Variants in LMBRD2 observed in about 807,000 individuals in gnomAD.
LMBRD2 encodes LMBR1 domain containing 2.
A neutral mutation model predicts 94.4 loss-of-function variants in LMBRD2; 55 were observed. The ratio of observed to expected loss-of-function variants is 0.58; its 90% CI spans 0.47 to 0.73. The LOEUF (loss-of-function observed/expected upper bound fraction) is 0.73, where lower values mean the gene tolerates loss of function less well. Ranked by LOEUF, LMBRD2 falls within the 30% of genes least tolerant of loss-of-function variation. The pLI, the probability that LMBRD2 is intolerant of heterozygous loss-of-function variation, is 0.00. For synonymous variants in LMBRD2, 246 were observed against 272.4 expected, an observed-to-expected ratio of 0.90 and a Z score of 0.95; for missense variants, 640 against 831.9, an observed-to-expected ratio of 0.77 and a Z score of 2.84.
chr5:36,133,638 A>T (rs976608757), intron 6 of LMBRD2, among the ~76,000 whole-genome samples: 1 of 152,146 alleles, frequency 6.6e-6, no homozygotes, highest in Non-Finnish European at 1.5e-5. Context: ...AGAGGTTCAG[A>T]GTTCTCCTGC....
At chr5:36,142,731 TTC>T in intron 2 of LMBRD2, 132 bp from the exon 3 acceptor site, 1 of 541,272 alleles carries the variant, frequency 1.8e-6, no homozygotes. Context: ...TTTTTTTTTT[TTC>T]TTTTTGTGTG....
Position 36,103,792 on chromosome 5 carries a change from G to T in LMBRD2, c.*254C>A. 3 of 263,162 alleles carry T rather than the reference G, an allele frequency of 1.1e-5. No homozygotes were observed. The highest frequency in any genetic ancestry group is 1.5e-5 in the Non-Finnish European group (2 of 136,488). 16.3% of individuals were successfully genotyped at this position (263,162 alleles called of 1,614,324 possible). A position where few individuals can be genotyped will look rare whatever the true frequency, so the allele number is the denominator to read the frequency against. On this transcript the variant is annotated 3_prime_UTR_variant, in exon 18 of 18. Coordinates refer to ENST00000296603, the MANE Select transcript of LMBRD2 (RefSeq NM_001007527.2). ...TTAACATATGTTGATCTTTCTTAAA[G>T]TCCTTCCACTGTAACTGTATTTCTA...
chr5:36,106,979 G>A (rs1743488093), intron 16 of LMBRD2, among the ~76,000 whole-genome samples: 1 of 151,898 alleles, frequency 6.6e-6, no homozygotes, highest in Admixed American at 6.6e-5. Flanking sequence ...ACCTGGCTAG[G>A]TACTATTCCT....
intron 11 of LMBRD2, among the ~76,000 whole-genome samples, chr5:36,115,833 G>T (rs1743730951): frequency 6.6e-6 from 1 of 152,108 alleles, no homozygotes; most frequent in African/African-American, 2.4e-5. Context: ...TATCACTGGG[G>T]GTAGCGTGAA....
chr5:36,116,391 A>G, intron 11 of LMBRD2, 69 bp downstream of exon 11: 1 of 1,441,226 alleles, frequency 6.9e-7, no homozygotes, highest in South Asian at 1.2e-5. Flanking sequence ...AAACAACAAA[A>G]AATAAAAGAT....
At chr5:36,148,287 C>T (rs575456764) in intron 1 of LMBRD2, among the ~76,000 whole-genome samples, 3 of 151,294 alleles carry the variant, frequency 2.0e-5, no homozygotes, top group African/African-American at 7.3e-5. Context: ...TTAAAGGTAC[C>T]TAAGAGCTGA....
At chr5:36,109,518 C>G (rs1448042433) in intron 15 of LMBRD2, among the ~76,000 whole-genome samples, 1 of 151,812 alleles carries the variant, frequency 6.6e-6, no homozygotes, top group Non-Finnish European at 1.5e-5. Context: ...TTTTCATTTT[C>G]TTCAGGAGGG....
chr5:36,106,876 G>A (rs962986949), intron 16 of LMBRD2, among the ~76,000 whole-genome samples: 3 of 152,012 alleles, frequency 2.0e-5, no homozygotes, highest in Admixed American at 1.3e-4. Context: ...CCCATGCTTA[G>A]GCTTTAGTTA....
intron 8 of LMBRD2, 69 bp downstream of exon 8, chr5:36,122,779 T>A (rs1332518111): frequency 2.0e-6 from 3 of 1,504,388 alleles, no homozygotes; most frequent in African/African-American, 1.5e-5. Flanking sequence ...ATTCCTTTTT[T>A]TATGAGCAAT....
intron 1 of LMBRD2, chr5:36,148,018 G>T (rs963074700): frequency 4.9e-6 from 1 of 202,602 alleles, no homozygotes; most frequent in Non-Finnish European, 1.1e-5. Context: ...TTTTTACTCA[G>T]ATATGTGCAA....
chr5:36,116,699 T>TG (rs1286707037), intron 10 of LMBRD2, 106 bp from the exon 11 acceptor site: 6 of 1,137,474 alleles, frequency 5.3e-6, no homozygotes, highest in Non-Finnish European at 7.6e-6. Flanking sequence ...TTTTTTGAGA[T>TG]GGAGTCTCGC....
chr5:36,116,653 A>G, intron 10 of LMBRD2, 60 bp from the exon 11 acceptor site: 1 of 1,462,984 alleles, frequency 6.8e-7, no homozygotes. Flanking sequence ...GCACTTAACA[A>G]TTACAGGCAT....
rs1744720379 is a variant in LMBRD2 at position 36,151,739 on chromosome 5, T to C, written c.-241A>G. 1 of 169,698 alleles carries C rather than the reference T, an allele frequency of 5.9e-6. No homozygotes were observed. Among genetic ancestry groups the C allele is most frequent in the South Asian group, 1.2e-4 (1 of 8,276 alleles). The allele number at this position is 169,698 out of a possible 1,614,324, so 10.5% of individuals were successfully genotyped here. On this transcript the variant is annotated 5_prime_UTR_variant, in exon 1 of 18. Transcript: ENST00000296603. This position sits in a 1 kb window ranked among gnomAD's most constrained non-coding sequence, Gnocchi z 4.7. The stretch of plus-strand genomic sequence containing the variant: ...CCGTCCGATCTCGCCAGACAGCGTC[T>C]GGACGGGACCGGGAAACGGCGGCCG...
At chr5:36,122,206 G>A (rs1743901878) in intron 9 of LMBRD2, 74 bp downstream of exon 9, 2 of 1,066,310 alleles carry the variant, frequency 1.9e-6, no homozygotes, top group Non-Finnish European at 1.4e-6. Flanking sequence ...ACTTTGCATT[G>A]GTGAAAATAC....
At chr5:36,110,756 C>T (rs978061048) in intron 14 of LMBRD2, among the ~76,000 whole-genome samples, 1 of 152,054 alleles carries the variant, frequency 6.6e-6, no homozygotes, top group African/African-American at 2.4e-5. Flanking sequence ...TTAATGATCA[C>T]GTTCTAAAAA....
intron 1 of LMBRD2, among the ~76,000 whole-genome samples, chr5:36,149,947 A>G (rs1414934422): frequency 6.6e-6 from 1 of 152,196 alleles, no homozygotes; most frequent in African/African-American, 2.4e-5. Context: ...AATAAGATAC[A>G]TCAGTAGCAA....
chr5:36,108,570 T>G lies in LMBRD2; in HGVS notation c.1861A>C (p.Lys621Gln). Residue 621 changes from lysine to glutamine, a missense_variant, in exon 16 of 18, where the codon AAA becomes CAA. Lys to Gln is a moderately conservative substitution (Grantham distance 53). Around this residue, in one of 2 missense-constraint regions of LMBRD2, gnomAD observed 183 missense variants for 189.1 expected, o/e 0.97. Coordinates refer to ENST00000296603, the MANE Select transcript of LMBRD2 (RefSeq NM_001007527.2). Reference protein sequence around the residue: ...TRNRNIHTDPKESNFSDVNTN... With the variant: ...TRNRNIHTDPQESNFSDVNTN... The stretch of plus-strand genomic sequence containing the variant: ...TTAACATCTGAGAAGTTTGACTCTT[T>G]GGGGTCAGTATGAATATTTCTGTTC... 6.3e-7 allele frequency: 1 copy of G among 1,595,510 alleles called. No individual in the cohort carries two copies. The highest frequency in any genetic ancestry group is 2.2e-5 in the East Asian group (1 of 44,522).
intron 4 of LMBRD2, among the ~76,000 whole-genome samples, chr5:36,140,723 G>A (rs942970549): frequency 6.6e-6 from 1 of 152,060 alleles, no homozygotes; most frequent in Admixed American, 6.6e-5. Context: ...TAAAGAGGAC[G>A]GAAGTTTGAA....
chr5:36,108,104 A>G (rs1481407952), intron 16 of LMBRD2, among the ~76,000 whole-genome samples: 2 of 152,182 alleles, frequency 1.3e-5, no homozygotes, highest in Non-Finnish European at 2.9e-5. Context: ...CCTGAGGACA[A>G]GAAATATACC....
Sources: allele counts gnomAD v4.1 joint callset (sites outside exome capture counted in the v4.1 genomes callset), GRCh38; gene constraint gnomAD v4.1.1; regional missense constraint gnomAD v4.1.1; non-coding constraint Gnocchi (gnomAD v3.1); transcripts MANE v1.5; gene names NCBI Gene and HGNC (gene_info 2026-07-23, HGNC 2026-07-21).